Variants in QTGAL observed in about 807,000 individuals in gnomAD.
The protein encoded by QTGAL is queuosine-tRNA galactosyltransferase, also known as BGnT-like protein 1.
At chr17:83,006,860 C>A in the QTGAL span, 2 of 961,192 alleles carry the variant, frequency 2.1e-6, no homozygotes, top group African/African-American at 3.5e-5. This position sits in a 1 kb window ranked among gnomAD's most constrained non-coding sequence, Gnocchi z 5.8. Context: ...AGGAGAGCAA[C>A]TGCCGGGTCA....
the QTGAL span, chr17:83,006,319 A>C: frequency 1.0e-6 from 1 of 985,448 alleles, no homozygotes; most frequent in Non-Finnish European, 1.2e-6. The surrounding 1 kb of genome is among the most constrained non-coding windows in gnomAD (Gnocchi z 5.8). Flanking sequence ...CTTTTCTACC[A>C]ATGCAGTTAA....
the QTGAL span, among the ~76,000 whole-genome samples, chr17:83,018,000 T>C: frequency 4.9e-5 from 5 of 103,022 alleles, no homozygotes; most frequent in African/African-American, 1.1e-4. Flanking sequence ...ACGTGCTCCG[T>C]GAACACCGTG....
chr17:83,019,062 G>T, the QTGAL span, among the ~76,000 whole-genome samples: 2 of 152,170 alleles, frequency 1.3e-5, no homozygotes, highest in African/African-American at 2.4e-5. Context: ...ACCAGGAGAC[G>T]CACGATGACG....
At chr17:83,025,933 G>C in the QTGAL span, among the ~76,000 whole-genome samples, 10 of 152,366 alleles carry the variant, frequency 6.6e-5, no homozygotes, top group Middle Eastern at 3.4e-3. Context: ...TGACATGCAC[G>C]ATGCTGGTGG....
At chr17:83,015,878 G>A in the QTGAL span, among the ~76,000 whole-genome samples, 1 of 152,208 alleles carries the variant, frequency 6.6e-6, no homozygotes, top group East Asian at 1.9e-4. The surrounding 1 kb of genome is among the most constrained non-coding windows in gnomAD (Gnocchi z 4.4). Flanking sequence ...CCCACCATCG[G>A]TCTGTGAAAA....
the QTGAL span, among the ~76,000 whole-genome samples, chr17:83,042,892 G>C: frequency 6.6e-6 from 1 of 152,176 alleles, no homozygotes; most frequent in Non-Finnish European, 1.5e-5. Context: ...AAAGAGTGCT[G>C]GCGTGGCTGT....
At chr17:83,006,124 C>T in the QTGAL span, 24 of 988,454 alleles carry the variant, frequency 2.4e-5, no homozygotes, top group African/African-American at 1.9e-4. The surrounding 1 kb of genome is among the most constrained non-coding windows in gnomAD (Gnocchi z 5.8). Context: ...CAAGTCCCAG[C>T]GGACGCAGCT....
the QTGAL span, among the ~76,000 whole-genome samples, chr17:82,997,468 C>T: frequency 6.6e-6 from 1 of 152,158 alleles, no homozygotes; most frequent in Non-Finnish European, 1.5e-5. Context: ...CTATGGAGAA[C>T]AGTTTGGAGG....
the QTGAL span, chr17:82,965,843 G>GAT: frequency 8.0e-7 from 1 of 1,255,060 alleles, no homozygotes; most frequent in Non-Finnish European, 1.1e-6. Flanking sequence ...GAAAGTGACA[G>GAT]ATGAATCCGT....
At chr17:83,008,547 A>G in the QTGAL span, among the ~76,000 whole-genome samples, 2 of 152,118 alleles carry the variant, frequency 1.3e-5, no homozygotes, top group African/African-American at 4.8e-5. Flanking sequence ...CCCTCCTCAC[A>G]TGGCCATCGA....
chr17:83,035,484 A>G, the QTGAL span, among the ~76,000 whole-genome samples: 2 of 152,198 alleles, frequency 1.3e-5, no homozygotes, highest in Non-Finnish European at 2.9e-5. Context: ...ACGATGTTCT[A>G]TAAGAAAGCT....
At chr17:82,998,926 C>A in the QTGAL span, among the ~76,000 whole-genome samples, 1 of 150,512 alleles carries the variant, frequency 6.6e-6, no homozygotes, top group Admixed American at 6.6e-5. Context: ...AAAATCACCA[C>A]GAGATACCAC....
At chr17:83,042,372 G>A in the QTGAL span, among the ~76,000 whole-genome samples, 8 of 151,778 alleles carry the variant, frequency 5.3e-5, no homozygotes, top group African/African-American at 1.9e-4. Flanking sequence ...GCCCCCTACT[G>A]CCACACACAC....
the QTGAL span, chr17:82,961,071 C>A: frequency 6.2e-7 from 1 of 1,609,416 alleles, no homozygotes; most frequent in Non-Finnish European, 8.5e-7. Context: ...GGACGCAGTG[C>A]GTGGCCGCCT....
the QTGAL span, among the ~76,000 whole-genome samples, chr17:83,010,873 C>T: frequency 1.3e-5 from 2 of 152,308 alleles, no homozygotes; most frequent in African/African-American, 2.4e-5. Context: ...GGAACCCTCC[C>T]GTCTTTGTTC....
chr17:82,970,514 T>TCCTCCGCACCCAGCGTGGCCGCGA, the QTGAL span, among the ~76,000 whole-genome samples: 19 of 56,660 alleles, frequency 3.4e-4, 1 homozygote, highest in East Asian at 1.1e-3. Context: ...CAAACACAGG[T>TCCTCCGCACCCAGCGTGGCCGCGA]CCTCCCCACC....
chr17:83,001,338 G>A, the QTGAL span, among the ~76,000 whole-genome samples: 1 of 152,154 alleles, frequency 6.6e-6, no homozygotes, highest in Non-Finnish European at 1.5e-5. Context: ...AAAGGAAGAC[G>A]GAGGAATCTG....
chr17:82,987,807 G>A, the QTGAL span, among the ~76,000 whole-genome samples: 1 of 152,302 alleles, frequency 6.6e-6, no homozygotes, highest in South Asian at 2.1e-4. Context: ...ATTCTGTGAG[G>A]AATGTCAATG....
chr17:83,031,951 C>T, the QTGAL span, among the ~76,000 whole-genome samples: 1 of 152,252 alleles, frequency 6.6e-6, no homozygotes, highest in South Asian at 2.1e-4. Flanking sequence ...GAGCAGCCAG[C>T]ACCCGGGAAG....
Sources: allele counts gnomAD v4.1 joint callset (sites outside exome capture counted in the v4.1 genomes callset), GRCh38; gene constraint gnomAD v4.1.1; non-coding constraint Gnocchi (gnomAD v3.1); transcripts MANE v1.5; gene names NCBI Gene and HGNC (gene_info 2026-07-23, HGNC 2026-07-21).